P4HA1: variants seen among roughly 807,000 people sequenced by gnomAD.
P4HA1 encodes prolyl 4-hydroxylase subunit alpha-1.
In P4HA1, 24 loss-of-function variants were observed where a neutral mutation model predicts 72.8. That is an observed-to-expected ratio of 0.33 (90% confidence interval 0.24 to 0.46). The LOEUF is 0.46. Ranked by LOEUF, P4HA1 falls within the 20% of genes least tolerant of loss-of-function variation. The pLI is 1.00. For missense variants in P4HA1, 446 were observed against 640.6 expected (o/e 0.70, Z 3.28); for synonymous variants, 201 against 218.8 (o/e 0.92, Z 0.72).
intron 7 of P4HA1, among the ~76,000 whole-genome samples, chr10:73,048,010 C>A (rs997924656): frequency 4.6e-5 from 7 of 152,114 alleles, no homozygotes; most frequent in African/African-American, 1.7e-4. Context: ...CATGATCATG[C>A]CACTACACTC....
chr10:73,050,315 C>G (rs1840988306), intron 7 of P4HA1, among the ~76,000 whole-genome samples: 1 of 152,056 alleles, frequency 6.6e-6, no homozygotes, highest in African/African-American at 2.4e-5. Flanking sequence ...GTATATGATT[C>G]ACAAGCTTTA....
chr10:73,040,806 A>G (rs569369869), intron 9 of P4HA1, among the ~76,000 whole-genome samples: 22 of 152,336 alleles, frequency 1.4e-4, no homozygotes, highest in Admixed American at 7.2e-4. Flanking sequence ...AGAAGCATGC[A>G]AATCTAGAGG....
chr10:73,065,007 T>A (rs1417747807), intron 5 of P4HA1: 1 of 152,170 alleles, frequency 6.6e-6, no homozygotes, highest in Non-Finnish European at 1.5e-5. Context: ...ATGCACACAC[T>A]TAGAAGTTAA....
chr10:73,088,228 T>C (rs1214172173), intron 1 of P4HA1, among the ~76,000 whole-genome samples: 3 of 152,142 alleles, frequency 2.0e-5, no homozygotes, highest in Middle Eastern at 3.2e-3. Context: ...GCATACAGTG[T>C]CAAGTACAGA....
At chr10:73,070,318 G>A (rs926819015) in intron 4 of P4HA1, among the ~76,000 whole-genome samples, 4 of 151,320 alleles carry the variant, frequency 2.6e-5, no homozygotes, top group South Asian at 4.2e-4. Flanking sequence ...CACCAGGCCC[G>A]GCTAACTTTT....
In P4HA1 at chr10:73,012,202, C is replaced by A. The variant is rs571844107; in HGVS notation, c.1369-1165G>T. ...ATAAAACAAAGAAATATAAGCAGAA[C>A]CAGGAACACATAAACACTAATGGCT... On this transcript the variant is annotated intron_variant, in intron 12 of 14. Coordinates refer to ENST00000394890, the MANE Select transcript of P4HA1 (RefSeq NM_001017962.3). 6.6e-5 allele frequency among the ~76,000 whole-genome samples: 10 copies of A among 152,122 alleles called. No individual in the cohort carries two copies. The South Asian group carries it at 2.1e-3, about 31-fold the overall frequency.
chr10:73,030,129 T>C, intron 10 of P4HA1, 142 bp downstream of exon 10: 1 of 417,930 alleles, frequency 2.4e-6, no homozygotes, highest in Non-Finnish European at 4.3e-6. Flanking sequence ...AAAATCACTT[T>C]GCATGGTTGC....
At chr10:73,051,357 G>T in intron 6 of P4HA1, 108 bp from the exon 7 acceptor site, 1 of 638,994 alleles carries the variant, frequency 1.6e-6, no homozygotes, top group Non-Finnish European at 2.6e-6. Context: ...TTCCAAACCA[G>T]GTTGCTGTTG....
intron 1 of P4HA1, among the ~76,000 whole-genome samples, chr10:73,082,953 G>C (rs1426107839): frequency 1.4e-5 from 1 of 69,222 alleles, no homozygotes; most frequent in Non-Finnish European, 2.1e-5. Flanking sequence ...AAGACATTAT[G>C]ACTTTATCAA....
At chr10:73,069,308 T>C (rs1841495703) in intron 4 of P4HA1, among the ~76,000 whole-genome samples, 1 of 152,178 alleles carries the variant, frequency 6.6e-6, no homozygotes, top group South Asian at 2.1e-4. Flanking sequence ...GTGCATCCAC[T>C]AAGTTTGAGA....
At chr10:73,029,447 G>T (rs1840379102) in intron 10 of P4HA1, among the ~76,000 whole-genome samples, 1 of 144,186 alleles carries the variant, frequency 6.9e-6, no homozygotes, top group South Asian at 2.2e-4. Flanking sequence ...ATTGCAACCA[G>T]AAAGGCTAAA....
At chr10:73,026,110 A>G (rs1188389737) in intron 10 of P4HA1, among the ~76,000 whole-genome samples, 4 of 152,212 alleles carry the variant, frequency 2.6e-5, no homozygotes, top group Non-Finnish European at 5.9e-5. Context: ...ATCTACTTTA[A>G]AGTTCATATG....
chr10:73,063,249 A>C (rs1353394772), intron 5 of P4HA1, among the ~76,000 whole-genome samples: 8 of 152,224 alleles, frequency 5.3e-5, no homozygotes, highest in Admixed American at 5.2e-4. Context: ...TTGTCTAGTG[A>C]GGGCTGCTCT....
chr10:73,012,523 C>A (rs1045507859), intron 12 of P4HA1, among the ~76,000 whole-genome samples: 1 of 152,062 alleles, frequency 6.6e-6, no homozygotes, highest in Non-Finnish European at 1.5e-5. Flanking sequence ...ACCTTACCTC[C>A]TTTTGGAAAC....
intron 13 of P4HA1, 67 bp from the exon 14 acceptor site, chr10:73,009,970 A>G (rs1589568290): frequency 1.2e-6 from 1 of 807,564 alleles, no homozygotes; most frequent in Non-Finnish European, 2.0e-6. Flanking sequence ...GGTAGTTATT[A>G]CTTTTTTTTT....
chr10:73,064,235 G>A (rs1009402836), intron 5 of P4HA1, among the ~76,000 whole-genome samples: 1 of 152,120 alleles, frequency 6.6e-6, no homozygotes, highest in Non-Finnish European at 1.5e-5. Flanking sequence ...GGGAGGCTGC[G>A]GGGTGCGGGG....
chr10:73,081,567 C>T (rs1841823466), intron 1 of P4HA1, among the ~76,000 whole-genome samples: 1 of 152,156 alleles, frequency 6.6e-6, no homozygotes, highest in South Asian at 2.1e-4. Context: ...AACTTTCCTA[C>T]AGTTCTTATT....
At chr10:73,082,129 T>C (rs1229585695) in intron 1 of P4HA1, among the ~76,000 whole-genome samples, 1 of 152,244 alleles carries the variant, frequency 6.6e-6, no homozygotes, top group Non-Finnish European at 1.5e-5. Flanking sequence ...TAGGCTTTGT[T>C]AGATGATTTT....
intron 1 of P4HA1, among the ~76,000 whole-genome samples, chr10:73,093,972 A>G (rs1842110679): frequency 6.8e-6 from 1 of 146,074 alleles, no homozygotes; most frequent in Admixed American, 7.0e-5. Flanking sequence ...ATATATTTAT[A>G]CACACACAAC....
Sources: allele counts gnomAD v4.1 joint callset (sites outside exome capture counted in the v4.1 genomes callset), GRCh38; gene constraint gnomAD v4.1.1; transcripts MANE v1.5; gene names NCBI Gene and HGNC (gene_info 2026-07-23, HGNC 2026-07-21).